TNIK: variants seen among roughly 807,000 people sequenced by gnomAD.
TNIK encodes the protein TRAF2 and NCK-interacting protein kinase.
A neutral mutation model predicts 191.3 loss-of-function variants in TNIK; 49 were observed. That is an observed-to-expected ratio of 0.26 (90% CI 0.20 to 0.32). The LOEUF is 0.32. TNIK is among the 10% of genes least tolerant of loss of function. The pLI is 1.00. For missense variants in TNIK, 1,155 were observed against 1,702.3 expected, an observed-to-expected ratio of 0.68 and a Z score of 5.66; for synonymous variants, 594 against 600.9, an observed-to-expected ratio of 0.99 and a Z score of 0.17.
At chr3:171,269,188 G>C (rs898795473) in intron 2 of TNIK, among the ~76,000 whole-genome samples, 9 of 152,118 alleles carry the variant, frequency 5.9e-5, no homozygotes, top group Non-Finnish European at 1.3e-4. Context: ...CAATGAAAGG[G>C]AGTAATACTG....
intron 15 of TNIK, among the ~76,000 whole-genome samples, chr3:171,135,063 G>A (rs528247385): frequency 6.4e-4 from 97 of 152,296 alleles, no homozygotes; most frequent in African/African-American, 2.2e-3. Context: ...AACAGGAGAC[G>A]GTGGCATGGG....
intron 30 of TNIK, among the ~76,000 whole-genome samples, chr3:171,068,203 TAAG>T (rs749531188): frequency 4.6e-5 from 7 of 152,278 alleles, no homozygotes; most frequent in South Asian, 2.1e-4. Flanking sequence ...TTAGGGCTAA[TAAG>T]AAGATCTACA....
intron 2 of TNIK, among the ~76,000 whole-genome samples, chr3:171,299,930 C>CACCT (rs1196313722): frequency 6.6e-6 from 1 of 152,192 alleles, no homozygotes. Context: ...GAACCAGAAA[C>CACCT]ACCTATCACA....
chr3:171,203,399 G>A (rs1164074638), intron 4 of TNIK, among the ~76,000 whole-genome samples: 7 of 152,146 alleles, frequency 4.6e-5, no homozygotes, highest in Non-Finnish European at 1.0e-4. Flanking sequence ...ATGAAATTGA[G>A]TATGTATGGA....
chr3:171,122,638 A>C (rs182438757), intron 18 of TNIK, among the ~76,000 whole-genome samples: 1 of 152,228 alleles, frequency 6.6e-6, no homozygotes, highest in Non-Finnish European at 1.5e-5. Flanking sequence ...AAAGCATTCC[A>C]TATTTTAAAG....
intron 2 of TNIK, among the ~76,000 whole-genome samples, chr3:171,275,892 G>A (rs151004597): frequency 3.4e-4 from 49 of 144,218 alleles, no homozygotes; most frequent in South Asian, 9.1e-4. Flanking sequence ...GCGCGACTCC[G>A]TCTCAAAATA....
chr3:171,339,680 T>C (rs1464965593), intron 2 of TNIK, among the ~76,000 whole-genome samples: 1 of 152,198 alleles, frequency 6.6e-6, no homozygotes, highest in Non-Finnish European at 1.5e-5. Context: ...CCTCCCTCTT[T>C]TCTCAGTCTT....
At chr3:171,139,660 A>T in intron 13 of TNIK, 104 bp from the exon 14 acceptor site, 1 of 1,115,168 alleles carries the variant, frequency 9.0e-7, no homozygotes, top group Non-Finnish European at 1.3e-6. Flanking sequence ...TGTAGAAGGA[A>T]GGAGGGGAAA....
intron 2 of TNIK, among the ~76,000 whole-genome samples, chr3:171,273,918 C>G (rs1399887280): frequency 6.6e-6 from 1 of 152,104 alleles, no homozygotes; most frequent in Non-Finnish European, 1.5e-5. Context: ...CATGAAGAAG[C>G]CTGAAACAAC....
chr3:171,217,892 G>C (rs1280983428), intron 3 of TNIK, among the ~76,000 whole-genome samples: 1 of 152,120 alleles, frequency 6.6e-6, no homozygotes, highest in Non-Finnish European at 1.5e-5. Flanking sequence ...CATTTTCCTG[G>C]CAGAGAAAGT....
intron 22 of TNIK, among the ~76,000 whole-genome samples, chr3:171,095,699 AACAG>A (rs1203725691): frequency 3.3e-5 from 5 of 152,220 alleles, no homozygotes; most frequent in Admixed American, 3.3e-4. Context: ...TTTTATCCAA[AACAG>A]ACAGGTGAAA....
chr3:171,394,535 G>C (rs1228128780), intron 1 of TNIK, among the ~76,000 whole-genome samples: 1 of 152,138 alleles, frequency 6.6e-6, no homozygotes, highest in African/African-American at 2.4e-5. Flanking sequence ...GCACATTTCT[G>C]ATGAAAAACC....
intron 15 of TNIK, among the ~76,000 whole-genome samples, chr3:171,133,835 A>C (rs931164709): frequency 3.3e-5 from 5 of 152,380 alleles, no homozygotes; most frequent in African/African-American, 1.2e-4. Flanking sequence ...AGTGATTTCA[A>C]AGTCCAGTGA....
At chr3:171,379,036 A>G (rs988320674) in intron 1 of TNIK, among the ~76,000 whole-genome samples, 8 of 152,202 alleles carry the variant, frequency 5.3e-5, no homozygotes, top group Non-Finnish European at 2.9e-5. Context: ...CTTTTGCAAA[A>G]TCTAGGTAGT....
At chr3:171,143,362 C>G in intron 12 of TNIK, among the ~76,000 whole-genome samples, 1 of 152,192 alleles carries the variant, frequency 6.6e-6, no homozygotes, top group Middle Eastern at 3.2e-3. Context: ...TCCCTGGCCT[C>G]AGGCAGACAC....
At chr3:171,078,499 C>G (rs983403242) in intron 28 of TNIK, among the ~76,000 whole-genome samples, 9 of 151,670 alleles carry the variant, frequency 5.9e-5, no homozygotes, top group East Asian at 1.9e-4. Flanking sequence ...TTTTAACAGC[C>G]CTTTTCTTGT....
chr3:171,425,484 A>G (rs1435108148), intron 1 of TNIK, among the ~76,000 whole-genome samples: 1 of 152,076 alleles, frequency 6.6e-6, no homozygotes, highest in Non-Finnish European at 1.5e-5. Flanking sequence ...TTTTTCCTCC[A>G]CATTTTAAAA....
chr3:171,387,149 G>A (rs1718835958), intron 1 of TNIK, among the ~76,000 whole-genome samples: 1 of 152,074 alleles, frequency 6.6e-6, no homozygotes, highest in Non-Finnish European at 1.5e-5. Flanking sequence ...CATTAAGAGG[G>A]CAGCTTCAAT....
chr3:171,314,742 C>G (rs572339931), intron 2 of TNIK, among the ~76,000 whole-genome samples: 111 of 152,048 alleles, frequency 7.3e-4, no homozygotes, highest in Non-Finnish European at 1.0e-3. Flanking sequence ...CACAATAAAA[C>G]GATAGAGAGT....
Sources: gnomAD v4.1 joint callset for allele counts (sites outside exome capture counted in the v4.1 genomes callset) on GRCh38, gnomAD v4.1.1 for gene constraint, MANE v1.5 for transcripts, NCBI Gene and HGNC (gene_info 2026-07-23, HGNC 2026-07-21) for gene names.